Variants in CRPPA observed in about 807,000 individuals in gnomAD.
CRPPA encodes the protein CDP-L-ribitol pyrophosphorylase A.
Under a neutral mutation model 52.0 loss-of-function variants are expected in CRPPA, and 43 were observed. The observed-to-expected ratio is 0.83, with a 90% CI of 0.65 to 1.07. The LOEUF is 1.07. Among genes scored for constraint, CRPPA ranks in the 50% least tolerant of loss-of-function variants. The pLI is 0.00. For missense variants in CRPPA, 629 were observed against 551.7 expected (o/e 1.14, Z -1.40); for synonymous variants, 250 against 203.5 (o/e 1.23, Z -1.94).
intron 5 of CRPPA, among the ~76,000 whole-genome samples, chr7:16,287,949 G>GGGAA (rs1784484828): frequency 6.8e-6 from 1 of 147,486 alleles, no homozygotes; most frequent in African/African-American, 2.5e-5. Flanking sequence ...GAGGGAGGGA[G>GGGAA]GGAAGGAAAG....
At chr7:16,214,046 A>T (rs887730458) in intron 9 of CRPPA, among the ~76,000 whole-genome samples, 1 of 152,230 alleles carries the variant, frequency 6.6e-6, no homozygotes, top group African/African-American at 2.4e-5. Flanking sequence ...GGCCAAGCCA[A>T]TAATATAATC....
chr7:16,232,734 A>G (rs1440759958), intron 8 of CRPPA, among the ~76,000 whole-genome samples: 1 of 152,200 alleles, frequency 6.6e-6, no homozygotes, highest in Non-Finnish European at 1.5e-5. Flanking sequence ...AACTGTTTTT[A>G]ATTACTTACA....
At chr7:16,205,157 C>T (rs17169339) in intron 9 of CRPPA, among the ~76,000 whole-genome samples, 11 of 152,058 alleles carry the variant, frequency 7.2e-5, no homozygotes, top group Non-Finnish European at 1.2e-4. Context: ...TTCACAACAA[C>T]GGCCACATTT....
intron 9 of CRPPA, among the ~76,000 whole-genome samples, chr7:16,125,277 A>C (rs547057685): frequency 1.3e-5 from 2 of 149,658 alleles, no homozygotes; most frequent in East Asian, 4.0e-4. Context: ...AAAAAAAAAA[A>C]AAAACCAACA....
intron 3 of CRPPA, among the ~76,000 whole-genome samples, chr7:16,340,211 A>T (rs926543683): frequency 5.7e-4 from 87 of 152,124 alleles, no homozygotes; most frequent in African/African-American, 2.1e-3. Flanking sequence ...CTTTAGGTAA[A>T]ACCCTAAAGG....
At position 16,138,305 on chromosome 7, in the gene CRPPA, T is replaced by C. The variant is rs559959022; in HGVS notation, c.1252-46506A>G. ...TACAATGCCTCAAGAAGAGAATTTG[T>C]CTGTGCAAGGATAGCACTGGCAAAG... On this transcript the variant is annotated intron_variant, in intron 9 of 9. Transcript: ENST00000407010. Among the ~76,000 whole-genome samples, 3 of 152,328 alleles carry C rather than the reference T, an allele frequency of 2.0e-5. No homozygotes were observed. In the East Asian group the frequency reaches 5.8e-4, roughly 29 times the overall value.
Position 16,421,469 on chromosome 7 carries a change from G to C in CRPPA, c.-147C>G. ...GCAGAAGGCGCCCCCCTCAGCCGTCGGAGCCCCGCTGTTGCTGCCCCGCAG... is the reference window on the plus strand; with the variant it reads ...GCAGAAGGCGCCCCCCTCAGCCGTCCGAGCCCCGCTGTTGCTGCCCCGCAG... On this transcript the variant is annotated 5_prime_UTR_variant, in exon 1 of 10. Transcript: ENST00000407010. 1.4e-6 allele frequency: 1 copy of C among 735,458 alleles called. No individual in the cohort carries two copies. The highest frequency in any genetic ancestry group is 1.8e-6 in the Non-Finnish European group (1 of 543,324). The allele number at this position is 735,458 out of a possible 1,614,324, so 45.6% of individuals were successfully genotyped here.
intron 9 of CRPPA, among the ~76,000 whole-genome samples, chr7:16,125,848 A>G (rs1274784125): frequency 2.0e-5 from 3 of 149,726 alleles, no homozygotes; most frequent in Admixed American, 2.0e-4. Context: ...ACAAATATGT[A>G]TTGGTGGTAG....
intron 6 of CRPPA, among the ~76,000 whole-genome samples, chr7:16,267,807 G>A (rs939090256): frequency 2.6e-5 from 4 of 152,014 alleles, no homozygotes; most frequent in South Asian, 2.1e-4. Flanking sequence ...GGATTCGAGC[G>A]TGGGTCAAAA....
At chr7:16,380,610 C>T (rs937421000) in intron 2 of CRPPA, among the ~76,000 whole-genome samples, 7 of 152,230 alleles carry the variant, frequency 4.6e-5, no homozygotes, top group African/African-American at 1.4e-4. Context: ...GCTGTGAATC[C>T]ATCTGGTCCT....
rs375476817 is a variant in CRPPA at position 16,104,783 on chromosome 7, C to T, written c.1252-12984G>A. 1.6e-4 allele frequency among the ~76,000 whole-genome samples: 24 copies of T among 152,030 alleles called. No individual in the cohort carries two copies. The East Asian group carries it at 3.7e-3, about 23-fold the overall frequency. ...GGCATGGTGGCGTGCGCCTGTAGTC[C>T]CAGCTACTCAGGAGGCTGAGGCAGA... On this transcript the variant is annotated intron_variant, in intron 9 of 9. Coordinates refer to ENST00000407010, the MANE Select transcript of CRPPA (RefSeq NM_001101426.4).
At chr7:16,258,354 A>T (rs757085316) in intron 8 of CRPPA, 36 bp downstream of exon 8, 2 of 1,308,446 alleles carry the variant, frequency 1.5e-6, no homozygotes, top group African/African-American at 1.5e-5. Flanking sequence ...AGAAGGAAGC[A>T]TAAGTTTGAG....
intron 1 of CRPPA, among the ~76,000 whole-genome samples, chr7:16,412,179 C>G (rs141520767): frequency 6.8e-4 from 104 of 152,252 alleles, no homozygotes; most frequent in Middle Eastern, 3.4e-3. Flanking sequence ...GTATGAGACT[C>G]TAAACAGAAA....
At chr7:16,254,792 G>GAAGGACAGAAA (rs1783573898) in intron 8 of CRPPA, among the ~76,000 whole-genome samples, 6 of 101,662 alleles carry the variant, frequency 5.9e-5, no homozygotes, top group African/African-American at 2.5e-4. Context: ...AAAGAAAGAA[G>GAAGGACAGAAA]GAAAGAAAGA....
intron 3 of CRPPA, among the ~76,000 whole-genome samples, chr7:16,331,528 C>T (rs1426514859): frequency 2.0e-5 from 3 of 152,156 alleles, no homozygotes; most frequent in Non-Finnish European, 2.9e-5. Context: ...AAGAACCACA[C>T]AGCAAGAATG....
intron 3 of CRPPA, among the ~76,000 whole-genome samples, chr7:16,337,483 A>G (rs574413528): frequency 1.3e-5 from 2 of 152,288 alleles, no homozygotes; most frequent in East Asian, 1.9e-4. Context: ...GCAAATTTAT[A>G]GCATTAAACA....
At chr7:16,123,785 TAAAC>T (rs1007345550) in intron 9 of CRPPA, among the ~76,000 whole-genome samples, 19 of 152,104 alleles carry the variant, frequency 1.2e-4, no homozygotes, top group African/African-American at 4.6e-4. Context: ...GAAAAACAGC[TAAAC>T]AAACAAAAAT....
At position 16,095,954 on chromosome 7, in the gene CRPPA, C is replaced by T. The variant is rs781609638; in HGVS notation, c.1252-4155G>A. Among the ~76,000 whole-genome samples the T allele has an allele frequency of 1.1e-3, 168 of 152,084 alleles. 2 individuals are homozygous for T. The highest frequency in any genetic ancestry group is 6.2e-4 in the South Asian group (3 of 4,816). On this transcript the variant is annotated intron_variant, in intron 9 of 9. Transcript: ENST00000407010. Reference sequence around the variant, plus strand: ...AGAGCTGAGGAGAGATTTTTGAGGCCCCACTGTGCCAAGGAGCAGGAGGTT... The same window carrying T: ...AGAGCTGAGGAGAGATTTTTGAGGCTCCACTGTGCCAAGGAGCAGGAGGTT...
At chr7:16,380,338 G>A (rs1415868693) in intron 2 of CRPPA, among the ~76,000 whole-genome samples, 2 of 152,078 alleles carry the variant, frequency 1.3e-5, no homozygotes, top group South Asian at 4.2e-4. Flanking sequence ...CAGGGATGAA[G>A]CCCACTTGAT....
Sources: gnomAD v4.1 joint callset for allele counts (sites outside exome capture counted in the v4.1 genomes callset) on GRCh38, gnomAD v4.1.1 for gene constraint, MANE v1.5 for transcripts, NCBI Gene and HGNC (gene_info 2026-07-23, HGNC 2026-07-21) for gene names.